Variants in HP1BP3 observed in about 807,000 individuals in gnomAD.
HP1BP3 encodes the protein heterochromatin protein 1-binding protein 3.
Under a neutral mutation model 62.5 loss-of-function variants are expected in HP1BP3, and 12 were observed. The observed-to-expected ratio is 0.19, with a 90% CI of 0.12 to 0.31. The LOEUF (loss-of-function observed/expected upper bound fraction) is 0.31. Among genes scored for constraint, HP1BP3 ranks in the 10% least tolerant of loss-of-function variants. The pLI, the probability that HP1BP3 is intolerant of heterozygous loss-of-function variation, is 1.00. For synonymous variants in HP1BP3, 260 were observed against 237.8 expected (o/e 1.09, Z -0.86); for missense variants, 502 against 651.8 (o/e 0.77, Z 2.50).
chr1:20,757,377 T>A (rs530656313), intron 8 of HP1BP3, 121 bp from the exon 9 acceptor site: 94,174 of 354,398 alleles, frequency 0.27, 12,320 homozygotes, highest in Non-Finnish European at 0.29. Flanking sequence ...TTATTATTTT[T>A]TTTTTTTTTT....
intron 6 of HP1BP3, 26 bp from the exon 7 acceptor site, chr1:20,767,690 C>G (rs757511071): frequency 4.2e-5 from 62 of 1,464,968 alleles, no homozygotes; most frequent in Non-Finnish European, 5.7e-5. Context: ...TTTTGTTATT[C>G]TAGTATTCAT....
At position 20,745,639 on chromosome 1, in the gene HP1BP3, G is replaced by A. The variant is rs910250366; in HGVS notation, c.1271C>T (p.Pro424Leu). The A allele has an allele frequency of 6.2e-7, 1 of 1,613,574 alleles. No individual in the cohort carries two copies. The stretch of plus-strand genomic sequence containing the variant: ...TCTAGAATCATCTGGCTCTTTCTTC[G>A]GAAACAGAACTCCTGGGCTATACGG... The part of the protein sequence containing the change: ...PYYPSPGVLF[P>L]KKEPDDSRDE... Residue 424 changes from proline to leucine, a missense_variant, in exon 12 of 13, where the codon CCG (proline) becomes CTG (leucine). Physicochemically the swap from Pro to Leu is moderately conservative, Grantham distance 98. Coordinates refer to ENST00000438032, the MANE Select transcript of HP1BP3 (RefSeq NM_001372052.1).
chr1:20,776,837 C>A, intron 3 of HP1BP3, 87 bp from the exon 4 acceptor site: 1 of 1,126,908 alleles, frequency 8.9e-7, no homozygotes, highest in East Asian at 2.7e-5. Flanking sequence ...ATTAAACGGA[C>A]CAGCCAAAGT....
intron 1 of HP1BP3, among the ~76,000 whole-genome samples, chr1:20,781,121 G>A (rs2057525346): frequency 6.6e-6 from 1 of 152,066 alleles, no homozygotes; most frequent in Non-Finnish European, 1.5e-5. Flanking sequence ...TATTTTTAAT[G>A]TAAGGAAAAC....
intron 9 of HP1BP3, among the ~76,000 whole-genome samples, chr1:20,756,930 G>A (rs1186822724): frequency 6.6e-6 from 1 of 152,042 alleles, no homozygotes; most frequent in African/African-American, 2.4e-5. Flanking sequence ...GGCTGGTCTC[G>A]AACTCCCAAC....
rs560419713 is a variant in HP1BP3 at position 20,771,472 on chromosome 1, C to T, written c.511-399G>A. Among the ~76,000 whole-genome samples, 4 of 152,226 alleles carry T rather than the reference C, an allele frequency of 2.6e-5. No homozygotes were observed. The South Asian group carries it at 6.2e-4, about 24-fold the overall frequency. On this transcript the variant is annotated intron_variant, in intron 5 of 12. Transcript: ENST00000438032. ...GCACGAGCTTAAGGAATGAGCATGC[C>T]AGGACATTTCCCTGAAGGCTCTGTA...
intron 6 of HP1BP3, 81 bp downstream of exon 6, chr1:20,770,849 C>T (rs1342460211): frequency 9.2e-7 from 1 of 1,089,794 alleles, no homozygotes; most frequent in Non-Finnish European, 1.3e-6. Flanking sequence ...AAAAAAGGCA[C>T]AAAAAGCCTA....
At position 20,776,713 on chromosome 1, in the gene HP1BP3, T is replaced by C. The variant is rs145251462; in HGVS notation, c.234A>G (p.Val78=). Reference sequence around the variant, plus strand: ...GTGGAGTTTCATTCTCTTGTTCTTCTACAGTGGAGACAGATTCCTCTGAAC... The same window carrying C: ...GTGGAGTTTCATTCTCTTGTTCTTCCACAGTGGAGACAGATTCCTCTGAAC... ...DISSEESVST[V]EEQENETPPA... is the part of the protein sequence containing the mutation. Residue 78 remains valine (V), a synonymous_variant, in exon 4 of 13, where the codon GTA becomes GTG. Coordinates refer to ENST00000438032, the MANE Select transcript of HP1BP3 (RefSeq NM_001372052.1). 2.5e-6 allele frequency: 4 copies of C among 1,613,716 alleles called. No homozygotes were observed. Among genetic ancestry groups the C allele is most frequent in the African/African-American group, 2.7e-5 (2 of 74,914 alleles).
intron 7 of HP1BP3, among the ~76,000 whole-genome samples, chr1:20,765,807 C>A (rs1015565269): frequency 6.6e-6 from 1 of 150,400 alleles, no homozygotes; most frequent in Non-Finnish European, 1.5e-5. Context: ...CTCCTCTCTA[C>A]TAAAAATACA....
intron 8 of HP1BP3, among the ~76,000 whole-genome samples, chr1:20,762,319 T>C (rs987850286): frequency 2.6e-5 from 4 of 152,100 alleles, no homozygotes; most frequent in African/African-American, 9.7e-5. Context: ...TGTTTCAGCC[T>C]AAGGTCATGA....
At chr1:20,769,314 T>C (rs951124570) in intron 6 of HP1BP3, among the ~76,000 whole-genome samples, 5 of 152,104 alleles carry the variant, frequency 3.3e-5, no homozygotes, top group African/African-American at 1.2e-4. Flanking sequence ...TCCCAGCACT[T>C]TGGGAGGCTG....
intron 1 of HP1BP3, among the ~76,000 whole-genome samples, chr1:20,783,707 T>C (rs2057679883): frequency 7.0e-6 from 1 of 142,910 alleles, no homozygotes; most frequent in African/African-American, 2.6e-5. Context: ...GAATCCGAAG[T>C]TGCAGTGAGC....
intron 11 of HP1BP3, 129 bp downstream of exon 11, chr1:20,747,415 C>G: frequency 1.6e-6 from 1 of 626,542 alleles, no homozygotes; most frequent in Non-Finnish European, 2.8e-6. Flanking sequence ...TGTAACCAAT[C>G]CCCTATATGT....
At chr1:20,771,615 A>C (rs1331719062) in intron 5 of HP1BP3, among the ~76,000 whole-genome samples, 1 of 152,226 alleles carries the variant, frequency 6.6e-6, no homozygotes, top group Non-Finnish European at 1.5e-5. Context: ...TTCTATTTGA[A>C]TTTAATGTGC....
At position 20,743,043 on chromosome 1, in the gene HP1BP3, T is replaced by G. The variant is rs2055128551; in HGVS notation, c.*1754A>C. On this transcript the variant is annotated 3_prime_UTR_variant, in exon 13 of 13. Coordinates refer to ENST00000438032, the MANE Select transcript of HP1BP3 (RefSeq NM_001372052.1). ...ATTTGTATTTCTAGCTAGTACTATTTAACACAACTTCACAATACTAAAACA... is the reference window on the plus strand; with the variant it reads ...ATTTGTATTTCTAGCTAGTACTATTGAACACAACTTCACAATACTAAAACA... 6.6e-6 allele frequency: 1 copy of G among 152,474 alleles called. No individual in the cohort carries two copies. Among genetic ancestry groups the G allele is most frequent in the South Asian group, 2.1e-4 (1 of 4,830 alleles). 9.4% of individuals were successfully genotyped at this position (152,474 alleles called of 1,614,324 possible).
chr1:20,761,461 A>C (rs1405207536), intron 8 of HP1BP3, among the ~76,000 whole-genome samples: 1 of 152,204 alleles, frequency 6.6e-6, no homozygotes, highest in Non-Finnish European at 1.5e-5. Flanking sequence ...ACATGGAAGG[A>C]TAATATTGTC....
At chr1:20,766,641 A>T (rs2056798637) in intron 7 of HP1BP3, among the ~76,000 whole-genome samples, 2 of 152,306 alleles carry the variant, frequency 1.3e-5, no homozygotes, top group South Asian at 4.1e-4. Flanking sequence ...AGTATTTGGT[A>T]AAAATGTACT....
Position 20,776,685 on chromosome 1 carries a change from C to A in HP1BP3, c.262G>T (p.Ala88Ser), listed in dbSNP as rs181413441. The A allele has an allele frequency of 1.2e-6, 2 of 1,613,716 alleles. No homozygotes were observed. Among genetic ancestry groups the A allele is most frequent in the Admixed American group, 3.3e-5 (2 of 59,970 alleles). ...GGCTGCTCTGCCTCACTCGAAGTAG[C>A]AGGTGGAGTTTCATTCTCTTGTTCT... ...VEEQENETPP[A>S]TSSEAEQPKG... The change falls in exon 4 of 13, where the codon GCT (alanine) becomes TCT (serine). Residue 88 changes from alanine (A) to serine (S), a missense_variant. Transcript: ENST00000438032.
intron 1 of HP1BP3, chr1:20,786,745 C>G (rs2057856089): frequency 6.6e-6 from 1 of 152,212 alleles, no homozygotes; most frequent in Non-Finnish European, 1.5e-5. Context: ...CGAACCGGCT[C>G]CGAAAACCGC....
Sources: allele counts gnomAD v4.1 joint callset (sites outside exome capture counted in the v4.1 genomes callset), GRCh38; gene constraint gnomAD v4.1.1; transcripts MANE v1.5; gene names NCBI Gene and HGNC (gene_info 2026-07-23, HGNC 2026-07-21).